SESTD1: variants seen among roughly 807,000 people sequenced by gnomAD.
SESTD1 encodes the protein SEC14 domain and spectrin repeat-containing protein 1.
Under a neutral mutation model 101.7 loss-of-function variants are expected in SESTD1, and 43 were observed. The ratio of observed to expected loss-of-function variants is 0.42; its 90% CI spans 0.33 to 0.55. The LOEUF (loss-of-function observed/expected upper bound fraction) is 0.55, where lower values mean the gene tolerates loss of function less well. Among genes scored for constraint, SESTD1 ranks in the 20% least tolerant of loss-of-function variants. The probability of loss-of-function intolerance (pLI) is 0.07; values close to 1 mark genes in which losing one functional copy is unlikely to be tolerated. For synonymous variants in SESTD1, 283 were observed against 286.8 expected (o/e 0.99, Z 0.13); for missense variants, 647 against 815.1 (o/e 0.79, Z 2.51).
chr2:179,145,684 G>A (rs553187931), intron 8 of SESTD1, among the ~76,000 whole-genome samples: 1 of 152,296 alleles, frequency 6.6e-6, no homozygotes, highest in African/African-American at 2.4e-5. Context: ...TTTTTACATC[G>A]ATGATTATAA....
At chr2:179,141,890 C>G (rs973215686) in intron 9 of SESTD1, among the ~76,000 whole-genome samples, 1 of 135,388 alleles carries the variant, frequency 7.4e-6, no homozygotes, top group African/African-American at 2.5e-5. Context: ...ATGGAAAAAG[C>G]CACATACAAT....
At chr2:179,231,701 AGT>A in intron 1 of SESTD1, among the ~76,000 whole-genome samples, 1 of 150,618 alleles carries the variant, frequency 6.6e-6, no homozygotes. Context: ...AACCTAAAAC[AGT>A]ATAGACCAAA....
Position 179,104,976 on chromosome 2 carries a change from TAA to T in SESTD1, c.*4921_*4922del, listed in dbSNP as rs1397117376. On this transcript the variant is annotated 3_prime_UTR_variant, in exon 18 of 18. Coordinates refer to ENST00000428443, the MANE Select transcript of SESTD1 (RefSeq NM_178123.5). Reference sequence around the variant, plus strand: ...ATTCTGCAGTAATGTTGAGTCATATTAAGTGTCATACCCATGAACTTTTTTCA... The same window carrying T: ...ATTCTGCAGTAATGTTGAGTCATATTGTGTCATACCCATGAACTTTTTTCA... 6.6e-6 allele frequency: 1 copy of T among 152,148 alleles called. No individual in the cohort carries two copies. The highest frequency in any genetic ancestry group is 2.1e-4 in the South Asian group (1 of 4,830). 9.4% of individuals were successfully genotyped at this position (152,148 alleles called of 1,614,324 possible).
chr2:179,200,481 A>G (rs2046490040), intron 1 of SESTD1, among the ~76,000 whole-genome samples: 1 of 150,832 alleles, frequency 6.6e-6, no homozygotes, highest in African/African-American at 2.5e-5. Context: ...CTAAGCCAAA[A>G]GAACAAAGCT....
At chr2:179,182,365 T>C (rs1444117607) in intron 3 of SESTD1, among the ~76,000 whole-genome samples, 1 of 152,128 alleles carries the variant, frequency 6.6e-6, no homozygotes, top group Non-Finnish European at 1.5e-5. Flanking sequence ...TAAAAGACTT[T>C]TTAAAAATTC....
At chr2:179,198,718 C>T (rs547962577) in intron 1 of SESTD1, among the ~76,000 whole-genome samples, 7 of 151,858 alleles carry the variant, frequency 4.6e-5, no homozygotes, top group Middle Eastern at 6.8e-3. Flanking sequence ...GGGTACATAA[C>T]GAAATGAAGG....
chr2:179,247,039 T>C (rs963977596), intron 1 of SESTD1, among the ~76,000 whole-genome samples: 3 of 152,178 alleles, frequency 2.0e-5, no homozygotes, highest in African/African-American at 7.2e-5. Context: ...CAGATTCCAC[T>C]TGGGCACATA....
Position 179,104,101 on chromosome 2 carries a change from A to C in SESTD1, c.*5798T>G, listed in dbSNP as rs1350859077. 6.6e-6 allele frequency: 1 copy of C among 152,132 alleles called. No individual in the cohort carries two copies. The highest frequency in any genetic ancestry group is 1.5e-5 in the Non-Finnish European group (1 of 68,010). The allele number at this position is 152,132 out of a possible 1,614,324, so 9.4% of individuals were successfully genotyped here. On this transcript the variant is annotated 3_prime_UTR_variant, in exon 18 of 18. Transcript: ENST00000428443. Reference sequence around the variant, plus strand: ...AAAATACAGGGTGCAATGTTTACCAAATAGTTTTGCTGAGAATTTCATTAC... The same window carrying C: ...AAAATACAGGGTGCAATGTTTACCACATAGTTTTGCTGAGAATTTCATTAC...
chr2:179,227,238 T>C (rs544947088), intron 1 of SESTD1, among the ~76,000 whole-genome samples: 5 of 152,324 alleles, frequency 3.3e-5, no homozygotes, highest in African/African-American at 9.6e-5. Context: ...ATGTTTCCAT[T>C]TTATAAAATT....
At position 179,264,571 on chromosome 2, in the gene SESTD1, G is replaced by GGGCGGA. The variant is rs1314190486; in HGVS notation, c.-104_-99dup. 2 of 151,950 alleles carry GGGCGGA rather than the reference G, an allele frequency of 1.3e-5. No individual in the cohort carries two copies. The highest frequency in any genetic ancestry group is 2.9e-5 in the Non-Finnish European group (2 of 68,400). The allele number at this position is 151,950 out of a possible 1,614,324, so 9.4% of individuals were successfully genotyped here. ...AGACAGGGGAACGCTAGCGAGGTGC[G>GGGCGGA]GGCGGAGGCGGAGGGCGCGGCGGGA... On this transcript the variant is annotated 5_prime_UTR_variant, in exon 1 of 18. Transcript: ENST00000428443.
chr2:179,264,475 G>A (rs1375645229), intron 1 of SESTD1, 24 bp downstream of exon 1: 5 of 150,628 alleles, frequency 3.3e-5, no homozygotes, highest in Non-Finnish European at 7.4e-5. Flanking sequence ...TCTCCCGCCC[G>A]GGCCGAGCGG....
In SESTD1 at chr2:179,210,160, A is replaced by G. The variant is rs144470184; in HGVS notation, c.-25-18294T>C. ...CCAGGAAGAAAGAAAAACTCTAAAAAGACCAATAACAAGTAGTAAGATTGA... is the reference window on the plus strand; with the variant it reads ...CCAGGAAGAAAGAAAAACTCTAAAAGGACCAATAACAAGTAGTAAGATTGA... On this transcript the variant is annotated intron_variant, in intron 1 of 17. Transcript: ENST00000428443. 2.1e-3 allele frequency among the ~76,000 whole-genome samples: 279 copies of G among 134,734 alleles called. 44 individuals carry two copies. The highest frequency in any genetic ancestry group is 3.6e-3 in the Non-Finnish European group (223 of 62,612). The allele number at this position is 134,734 out of a possible 152,430, so 88.4% of individuals were successfully genotyped here.
chr2:179,138,870 C>CA lies in SESTD1; in HGVS notation c.849+4721dup, dbSNP rs61703699. ...TGGGTAATAGACTGAAACCCTGTCTCAAAAAAAAAAAAAAAAAAAAAAAAA... is the reference window on the plus strand; with the variant it reads ...TGGGTAATAGACTGAAACCCTGTCTCAAAAAAAAAAAAAAAAAAAAAAAAAA... On this transcript the variant is annotated intron_variant, in intron 9 of 17. Transcript: ENST00000428443. 6.0e-3 allele frequency among the ~76,000 whole-genome samples: 392 copies of CA among 65,554 alleles called. 10 individuals carry two copies. The highest frequency in any genetic ancestry group is 9.0e-3 in the Non-Finnish European group (289 of 31,974). 43.0% of individuals were successfully genotyped at this position (65,554 alleles called of 152,430 possible).
intron 1 of SESTD1, among the ~76,000 whole-genome samples, chr2:179,211,854 G>A (rs1384845973): frequency 7.6e-6 from 1 of 132,216 alleles, no homozygotes; most frequent in Admixed American, 7.4e-5. Flanking sequence ...TGGGGACTCA[G>A]GGGGAAGGGT....
chr2:179,191,637 C>T (rs1285149336), intron 2 of SESTD1, 150 bp downstream of exon 2: 5 of 696,406 alleles, frequency 7.2e-6, no homozygotes, highest in Admixed American at 2.9e-5. Context: ...GTTAGCTCTC[C>T]TAGCTCTTCA....
At chr2:179,167,618 T>A (rs1019078726) in intron 5 of SESTD1, among the ~76,000 whole-genome samples, 4 of 148,002 alleles carry the variant, frequency 2.7e-5, no homozygotes, top group African/African-American at 1.0e-4. Flanking sequence ...AAATGAAAAA[T>A]CTTGAAAGTG....
intron 1 of SESTD1, among the ~76,000 whole-genome samples, chr2:179,201,989 A>T (rs573087146): frequency 1.5e-5 from 2 of 130,086 alleles, no homozygotes; most frequent in Admixed American, 7.5e-5. Flanking sequence ...CAAGTCACAA[A>T]GTCCAAGCAT....
At chr2:179,119,894 G>C (rs759952530) in intron 13 of SESTD1, among the ~76,000 whole-genome samples, 2 of 152,172 alleles carry the variant, frequency 1.3e-5, no homozygotes, top group Non-Finnish European at 2.9e-5. Context: ...TTCCTGTACA[G>C]CCTGTGGGAC....
intron 5 of SESTD1, among the ~76,000 whole-genome samples, chr2:179,168,674 C>G (rs928019179): frequency 2.0e-5 from 3 of 152,030 alleles, no homozygotes; most frequent in Admixed American, 2.0e-4. Context: ...GAATGTAACA[C>G]CAGACAAAAA....
Sources: gnomAD v4.1 joint callset for allele counts (sites outside exome capture counted in the v4.1 genomes callset) on GRCh38, gnomAD v4.1.1 for gene constraint, MANE v1.5 for transcripts, NCBI Gene and HGNC (gene_info 2026-07-23, HGNC 2026-07-21) for gene names.